CNTN5: variants seen among roughly 807,000 people sequenced by gnomAD.
The protein encoded by CNTN5 is contactin 5, also known as contactin-5.
A neutral mutation model predicts 129.1 loss-of-function variants in CNTN5; 77 were observed. The observed-to-expected ratio is 0.60, with a 90% CI of 0.50 to 0.72. CNTN5 has a LOEUF of 0.72. Ranked by LOEUF, CNTN5 falls within the 30% of genes least tolerant of loss-of-function variation. CNTN5 has a pLI of 0.00. For missense variants in CNTN5, 1,478 were observed against 1,328.8 expected, an observed-to-expected ratio of 1.11 and a Z score of -1.75; for synonymous variants, 509 against 465.6, an observed-to-expected ratio of 1.09 and a Z score of -1.20.
intron 13 of CNTN5, among the ~76,000 whole-genome samples, chr11:100,163,606 A>AAATC (rs1210969626): frequency 6.6e-6 from 1 of 151,676 alleles, no homozygotes; most frequent in Admixed American, 6.6e-5. Flanking sequence ...AGAGGTCCTG[A>AAATC]AATCAATCAA....
chr11:100,077,496 G>A (rs937522086), intron 13 of CNTN5, among the ~76,000 whole-genome samples: 1 of 151,878 alleles, frequency 6.6e-6, no homozygotes, highest in Non-Finnish European at 1.5e-5. Context: ...ATTATATTGG[G>A]GAAAAGGAAT....
At chr11:100,159,366 T>C (rs948931196) in intron 13 of CNTN5, among the ~76,000 whole-genome samples, 2 of 151,862 alleles carry the variant, frequency 1.3e-5, no homozygotes, top group African/African-American at 4.8e-5. Context: ...AATGTTAAAT[T>C]TGTACTTATT....
chr11:100,204,661 T>C (rs941090157), intron 15 of CNTN5, among the ~76,000 whole-genome samples: 1 of 151,564 alleles, frequency 6.6e-6, no homozygotes, highest in African/African-American at 2.4e-5. Context: ...TAGAATATTA[T>C]CAGTGATAAA....
At position 100,074,251 on chromosome 11, in the gene CNTN5, A is replaced by T. The variant is rs61759482; in HGVS notation, c.1537A>T (p.Ile513Phe). 1 of 1,610,352 alleles carries T rather than the reference A, an allele frequency of 6.2e-7. No individual in the cohort carries two copies. Among genetic ancestry groups the T allele is most frequent in the Admixed American group, 1.7e-5 (1 of 59,518 alleles). Residue 513 changes from isoleucine to phenylalanine, a missense_variant, in exon 13 of 25, where the codon ATC (isoleucine) becomes TTC (phenylalanine). Ile to Phe is a conservative substitution (Grantham distance 21). Transcript: ENST00000524871. ...ACCCCAAGGCTCTCCAAAACCAACC[A>T]TCTCTTGGAAGAAAGGAGACAGAGC... ...CKPQGSPKPT[I>F]SWKKGDRAVR...
chr11:99,894,509 C>A (rs1591377911), intron 6 of CNTN5, among the ~76,000 whole-genome samples: 3 of 97,428 alleles, frequency 3.1e-5, no homozygotes, highest in Admixed American at 1.2e-4. Flanking sequence ...TGACAGGTAC[C>A]AGCAGCAAAA....
At chr11:99,756,913 GTT>G (rs72102158) in intron 3 of CNTN5, among the ~76,000 whole-genome samples, 34,379 of 143,058 alleles carry the variant, frequency 0.24, 4,646 homozygotes, top group East Asian at 0.62. Context: ...ACAATAGAGG[GTT>G]TTTTTTTTTT....
At chr11:99,247,559 C>T (rs61893099) in intron 1 of CNTN5, among the ~76,000 whole-genome samples, 4,096 of 152,056 alleles carry the variant, frequency 0.027, 64 homozygotes, top group Middle Eastern at 0.055. Flanking sequence ...GTGTTGCACC[C>T]ATTAACTCGT....
intron 9 of CNTN5, among the ~76,000 whole-genome samples, chr11:100,017,379 T>C (rs1364653209): frequency 2.6e-5 from 4 of 152,006 alleles, no homozygotes; most frequent in Admixed American, 2.0e-4. Context: ...TTTTAATATC[T>C]CTGAAATCCA....
intron 3 of CNTN5, among the ~76,000 whole-genome samples, chr11:99,797,446 T>C (rs1945981039): frequency 2.6e-5 from 4 of 152,136 alleles, no homozygotes; most frequent in Admixed American, 6.5e-5. Flanking sequence ...AGAAATCACT[T>C]TTTTGAATCT....
In CNTN5 at chr11:99,707,185, A is replaced by G. The variant is rs142734011; in HGVS notation, c.56-112359A>G. Reference sequence around the variant, plus strand: ...ATCAGTTTATGGTCTTTTTTTTTCTATTGGTCAAGTAAAATATATCTTCAT... The same window carrying G: ...ATCAGTTTATGGTCTTTTTTTTTCTGTTGGTCAAGTAAAATATATCTTCAT... On this transcript the variant is annotated intron_variant, in intron 3 of 24. Coordinates refer to ENST00000524871, the MANE Select transcript of CNTN5 (RefSeq NM_014361.4). 9.4e-3 allele frequency among the ~76,000 whole-genome samples: 1,418 copies of G among 151,064 alleles called. 11 individuals are homozygous for G. The highest frequency in any genetic ancestry group is 0.028 in the South Asian group (136 of 4,808).
chr11:100,134,849 G>A (rs773134317), intron 13 of CNTN5, among the ~76,000 whole-genome samples: 3 of 152,090 alleles, frequency 2.0e-5, no homozygotes, highest in Non-Finnish European at 2.9e-5. Context: ...CTGTATTTCA[G>A]TTGTATTTTA....
intron 2 of CNTN5, among the ~76,000 whole-genome samples, chr11:99,400,120 C>G (rs1941725011): frequency 1.3e-5 from 2 of 152,030 alleles, no homozygotes; most frequent in Non-Finnish European, 2.9e-5. Context: ...CATTTTAACT[C>G]TACTTTTGTA....
chr11:99,472,166 C>G lies in CNTN5; in HGVS notation c.-70-83979C>G, dbSNP rs75249047. On this transcript the variant is annotated intron_variant, in intron 2 of 24. Transcript: ENST00000524871. ...GCAAGTCTCCATCGAGGCACAAAGT[C>G]AAAGTAGTCAAAAGAAAAGTAAAAT... 1.3e-4 allele frequency among the ~76,000 whole-genome samples: 20 copies of G among 152,108 alleles called. 1 individual carries two copies. The East Asian group carries it at 3.5e-3, about 26-fold the overall frequency.
chr11:100,065,631 C>T (rs1410796121), intron 10 of CNTN5, among the ~76,000 whole-genome samples: 1 of 151,944 alleles, frequency 6.6e-6, no homozygotes, highest in African/African-American at 2.4e-5. Context: ...GAACCAGAAT[C>T]CAACTGAAAC....
intron 13 of CNTN5, among the ~76,000 whole-genome samples, chr11:100,129,706 C>T (rs1182889392): frequency 1.3e-5 from 2 of 152,100 alleles, no homozygotes. Flanking sequence ...CAAGATGTTG[C>T]ATATCACAGA....
chr11:100,094,765 A>AAAGGAAGG (rs57565481), intron 13 of CNTN5, among the ~76,000 whole-genome samples: 12,560 of 113,738 alleles, frequency 0.11, 899 homozygotes, highest in South Asian at 0.12. Context: ...GGGAGGGAGG[A>AAAGGAAGG]AAGGAAGGAA....
At chr11:99,498,597 A>G (rs1418485882) in intron 2 of CNTN5, among the ~76,000 whole-genome samples, 2 of 152,146 alleles carry the variant, frequency 1.3e-5, no homozygotes, top group South Asian at 4.1e-4. Context: ...GTATTCAGAT[A>G]CGGAGTTTGA....
intron 1 of CNTN5, among the ~76,000 whole-genome samples, chr11:99,311,256 G>A (rs539996182): frequency 5.2e-4 from 79 of 152,046 alleles, no homozygotes; most frequent in African/African-American, 1.9e-3. Flanking sequence ...AACACCATCT[G>A]GTATTCTTTC....
intron 1 of CNTN5, among the ~76,000 whole-genome samples, chr11:99,058,982 A>G (rs1040446191): frequency 6.7e-6 from 1 of 149,412 alleles, no homozygotes; most frequent in South Asian, 2.1e-4. Context: ...ACATACATAC[A>G]TATATAATAA....
Sources: allele counts gnomAD v4.1 joint callset (sites outside exome capture counted in the v4.1 genomes callset), GRCh38; gene constraint gnomAD v4.1.1; transcripts MANE v1.5; gene names NCBI Gene and HGNC (gene_info 2026-07-23, HGNC 2026-07-21).